KCNH1: variants seen among roughly 807,000 people sequenced by gnomAD.
KCNH1 encodes potassium voltage-gated channel subfamily H member 1.
Under a neutral mutation model 69.2 loss-of-function variants are expected in KCNH1, and 27 were observed. The observed-to-expected ratio is 0.39, with a 90% confidence interval of 0.29 to 0.54. KCNH1 has a LOEUF of 0.54. Ranked by LOEUF, KCNH1 falls within the 20% of genes least tolerant of loss-of-function variation. The pLI, the probability that KCNH1 is intolerant of heterozygous loss-of-function variation, is 0.68. For missense variants in KCNH1, 798 were observed against 1,261.6 expected (o/e 0.63, Z 5.57); for synonymous variants, 456 against 487.7 (o/e 0.93, Z 0.86).
intron 7 of KCNH1, among the ~76,000 whole-genome samples, chr1:210,857,229 A>G (rs937177126): frequency 2.0e-5 from 3 of 152,122 alleles, no homozygotes; most frequent in Non-Finnish European, 4.4e-5. Flanking sequence ...TATAATGAAG[A>G]CTTTACCCTT....
intron 10 of KCNH1, among the ~76,000 whole-genome samples, chr1:210,696,662 T>C (rs530112613): frequency 2.0e-5 from 3 of 152,222 alleles, no homozygotes; most frequent in Non-Finnish European, 2.9e-5. Flanking sequence ...CTGGCTAATG[T>C]CACCCTTGCC....
At chr1:211,118,166 T>C (rs1477188730) in intron 1 of KCNH1, among the ~76,000 whole-genome samples, 2 of 152,220 alleles carry the variant, frequency 1.3e-5, no homozygotes, top group Non-Finnish European at 2.9e-5. Context: ...TCCATTTATA[T>C]ATGGGGAAAA....
intron 10 of KCNH1, among the ~76,000 whole-genome samples, chr1:210,761,038 G>A (rs1423869161): frequency 6.6e-6 from 1 of 151,684 alleles, no homozygotes; most frequent in African/African-American, 2.4e-5. Context: ...GGATCACAAG[G>A]TCAGGAGATC....
At chr1:210,812,693 G>T (rs1367873090) in intron 7 of KCNH1, among the ~76,000 whole-genome samples, 6 of 152,108 alleles carry the variant, frequency 3.9e-5, no homozygotes, top group African/African-American at 1.2e-4. Flanking sequence ...ATACATTATT[G>T]GCACTGAGCA....
intron 1 of KCNH1, among the ~76,000 whole-genome samples, chr1:211,126,040 G>A (rs531417454): frequency 2.0e-5 from 3 of 152,200 alleles, no homozygotes; most frequent in Non-Finnish European, 2.9e-5. Context: ...GGGAGATGCT[G>A]AAGTTGGCCA....
chr1:210,986,539 A>G (rs1198491636), intron 6 of KCNH1, among the ~76,000 whole-genome samples: 2 of 152,144 alleles, frequency 1.3e-5, no homozygotes, highest in Non-Finnish European at 2.9e-5. Context: ...TCCTTCACTT[A>G]TGAAGCTTAG....
intron 6 of KCNH1, among the ~76,000 whole-genome samples, chr1:210,966,576 C>T (rs979743217): frequency 2.0e-5 from 3 of 152,162 alleles, no homozygotes; most frequent in Non-Finnish European, 2.9e-5. Context: ...ACAGACACTT[C>T]TCAAAAGAAG....
At chr1:210,983,347 C>T (rs990125218) in intron 6 of KCNH1, among the ~76,000 whole-genome samples, 11 of 152,064 alleles carry the variant, frequency 7.2e-5, no homozygotes, top group African/African-American at 9.7e-5. Context: ...TCCTTGCCCA[C>T]GCCTATGTTC....
rs570601898 is a variant in KCNH1 at position 210,750,740 on chromosome 1, G to A, written c.2112+24608C>T. Among the ~76,000 whole-genome samples the A allele has an allele frequency of 7.9e-5, 12 of 152,198 alleles. No individual in the cohort carries two copies. The East Asian group carries it at 2.3e-3, about 29-fold the overall frequency. ...CAGGGAATGAGCCAATGTAAGATGG[G>A]ATTTCGGAAGCCTCTTTCCAATGCC... is the stretch of plus-strand genomic sequence containing the variant. On this transcript the variant is annotated intron_variant, in intron 10 of 10. Transcript: ENST00000271751.
At position 210,898,681 on chromosome 1, in the gene KCNH1, CG is replaced by C. The variant is rs35054693; in HGVS notation, c.1462+20958del. ...CCCTTGGAGGGGGCAGGCGTGGCGG[CG>C]GGGGGGGGTCCTGTCAACCACCTTT... On this transcript the variant is annotated intron_variant, in intron 7 of 10. Coordinates refer to ENST00000271751, the MANE Select transcript of KCNH1 (RefSeq NM_172362.3). 6.1e-4 allele frequency among the ~76,000 whole-genome samples: 85 copies of C among 138,544 alleles called. 1 individual carries two copies. In the South Asian group the frequency reaches 0.016, roughly 26 times the overall value. 90.9% of individuals were successfully genotyped at this position (138,544 alleles called of 152,430 possible). A position where few individuals can be genotyped will look rare whatever the true frequency, so the allele number is the denominator to read the frequency against.
rs1574313216 is a variant in KCNH1, at chr1:210,878,926, A to G, written c.1462+40714T>C. Among the ~76,000 whole-genome samples the G allele has an allele frequency of 2.0e-5, 3 of 152,166 alleles. No individual in the cohort carries two copies. In the Middle Eastern group the frequency reaches 0.01, roughly 518 times the overall value. On this transcript the variant is annotated intron_variant, in intron 7 of 10. Transcript: ENST00000271751. The stretch of plus-strand genomic sequence containing the variant: ...AGGAGAGAGAGGACATAAATTACTA[A>G]TATCAGAAATGAAGGTGAGTACATC...
chr1:210,862,657 G>C (rs1251656818), intron 7 of KCNH1, among the ~76,000 whole-genome samples: 2 of 152,138 alleles, frequency 1.3e-5, no homozygotes, highest in Non-Finnish European at 2.9e-5. Context: ...GTTAGAGGCA[G>C]GATTGAAAAA....
chr1:210,813,470 AG>A (rs1195297635), intron 7 of KCNH1, among the ~76,000 whole-genome samples: 1 of 152,020 alleles, frequency 6.6e-6, no homozygotes, highest in African/African-American at 2.4e-5. Flanking sequence ...GGAGAGTGTG[AG>A]GGGGTAGGGA....
In KCNH1 at chr1:210,804,113, A is replaced by C. The variant is rs769381970; in HGVS notation, c.1516T>G (p.Tyr506Asp). 6.2e-7 allele frequency: 1 copy of C among 1,614,198 alleles called. No individual in the cohort carries two copies. The highest frequency in any genetic ancestry group is 1.3e-5 in the African/African-American group (1 of 75,056). ...GNVTTIFQQM[Y>D]ANTNRYHEML... ...TCATGGTATCTGTTGGTGTTGGCAT[A>C]CATCTGTTGGAAAATAGTCGTCACA... The change falls in exon 8 of 11, where the codon TAT becomes GAT. Residue 506 changes from tyrosine to aspartate, a missense_variant. Physicochemically the swap from Tyr to Asp is radical, Grantham distance 160. Transcript: ENST00000271751.
chr1:210,715,781 G>T (rs1037410919), intron 10 of KCNH1, among the ~76,000 whole-genome samples: 1 of 152,084 alleles, frequency 6.6e-6, no homozygotes, highest in African/African-American at 2.4e-5. Flanking sequence ...GAAGGGAAAC[G>T]CTCTCTGAGT....
chr1:211,087,383 T>C (rs566243249), intron 4 of KCNH1, among the ~76,000 whole-genome samples: 1 of 152,152 alleles, frequency 6.6e-6, no homozygotes, highest in African/African-American at 2.4e-5. Context: ...GTGAGCAATA[T>C]AAAGAGAGAA....
chr1:211,007,089 G>T (rs1402867790), intron 6 of KCNH1, among the ~76,000 whole-genome samples: 1 of 151,986 alleles, frequency 6.6e-6, no homozygotes, highest in Non-Finnish European at 1.5e-5. Context: ...ATGAAAAATT[G>T]GAATTAAACA....
chr1:210,842,674 T>C (rs1462134568), intron 7 of KCNH1, among the ~76,000 whole-genome samples: 1 of 152,160 alleles, frequency 6.6e-6, no homozygotes, highest in Non-Finnish European at 1.5e-5. Context: ...ATCCCCTCAG[T>C]GATGATGAGG....
At chr1:210,700,478 A>G (rs1163744599) in intron 10 of KCNH1, among the ~76,000 whole-genome samples, 2 of 152,186 alleles carry the variant, frequency 1.3e-5, no homozygotes, top group Admixed American at 1.3e-4. Context: ...CTGGGTTTCA[A>G]CAGCACCACA....
Sources: allele counts gnomAD v4.1 joint callset (sites outside exome capture counted in the v4.1 genomes callset), GRCh38; gene constraint gnomAD v4.1.1; transcripts MANE v1.5; gene names NCBI Gene and HGNC (gene_info 2026-07-23, HGNC 2026-07-21).